Variants in SNX31 observed in about 807,000 individuals in gnomAD.
SNX31 encodes the protein sorting nexin 31.
Under a neutral mutation model 65.4 loss-of-function variants are expected in SNX31, and 58 were observed. The ratio of observed to expected loss-of-function variants is 0.89; its 90% CI spans 0.72 to 1.10. SNX31 has a LOEUF of 1.10. Among genes scored for constraint, SNX31 ranks in the 50% least tolerant of loss-of-function variants. The probability of loss-of-function intolerance (pLI) is 0.00; values close to 1 mark genes in which losing one functional copy is unlikely to be tolerated. For missense variants in SNX31, 523 were observed against 529.7 expected (o/e 0.99, Z 0.12); for synonymous variants, 181 against 190.1 (o/e 0.95, Z 0.39).
intron 4 of SNX31, chr8:100,618,839 G>A (rs1207564872): frequency 1.8e-5 from 3 of 166,518 alleles, no homozygotes; most frequent in Non-Finnish European, 3.9e-5. Flanking sequence ...CAACCTGGAA[G>A]CTCTTCAAAC....
At position 100,613,575 on chromosome 8, in the gene SNX31, G is replaced by A. The variant is rs138123695; in HGVS notation, c.433-490C>T. On this transcript the variant is annotated intron_variant, in intron 5 of 13. Coordinates refer to ENST00000311812, the MANE Select transcript of SNX31 (RefSeq NM_152628.4). The surrounding 1 kb of genome is among the most constrained non-coding windows in gnomAD (Gnocchi z 5.2). Reference sequence around the variant, plus strand: ...ATGCGCTACTGCCCACCTTTGACACGCCAGGCCTGCTTCGCCTTGATGTTT... The same window carrying A: ...ATGCGCTACTGCCCACCTTTGACACACCAGGCCTGCTTCGCCTTGATGTTT... Among the ~76,000 whole-genome samples, 710 of 152,290 alleles carry A rather than the reference G, an allele frequency of 4.7e-3. 10 individuals are homozygous for A. Among genetic ancestry groups the A allele is most frequent in the Middle Eastern group, 0.01 (3 of 294 alleles).
chr8:100,597,625 G>A (rs1361356822), intron 9 of SNX31, among the ~76,000 whole-genome samples: 1 of 152,200 alleles, frequency 6.6e-6, no homozygotes, highest in Non-Finnish European at 1.5e-5. Flanking sequence ...TTTATATGAT[G>A]GTGGTAGTAA....
At chr8:100,633,807 C>T (rs1818569959) in intron 3 of SNX31, among the ~76,000 whole-genome samples, 1 of 152,114 alleles carries the variant, frequency 6.6e-6, no homozygotes, top group Admixed American at 6.5e-5. Flanking sequence ...ATGTAAACAT[C>T]TGGGAAATCT....
chr8:100,638,311 A>G (rs1818920447), intron 2 of SNX31, among the ~76,000 whole-genome samples: 1 of 152,246 alleles, frequency 6.6e-6, no homozygotes, highest in South Asian at 2.1e-4. Context: ...AAATTTAAAC[A>G]TAATTAAAAT....
chr8:100,581,181 C>A (rs967304366), intron 12 of SNX31, among the ~76,000 whole-genome samples: 4 of 151,174 alleles, frequency 2.6e-5, no homozygotes, highest in Non-Finnish European at 4.4e-5. Flanking sequence ...TGCCAGTGGT[C>A]CCAGCTACTT....
rs187805243 is a variant in SNX31 at position 100,622,672 on chromosome 8, A to G, written c.322-4942T>C. Among the ~76,000 whole-genome samples the G allele has an allele frequency of 4.6e-3, 671 of 146,598 alleles. 5 individuals are homozygous for G. The highest frequency in any genetic ancestry group is 7.6e-3 in the Non-Finnish European group (514 of 67,816). ...TCTCAAAAAATAAATAAGTAAATAA[A>G]TAAATAAATAAATAAATAAATAAAA... On this transcript the variant is annotated intron_variant, in intron 4 of 13. Transcript: ENST00000311812. This position sits in a 1 kb window ranked among gnomAD's most constrained non-coding sequence, Gnocchi z 5.0.
intron 8 of SNX31, among the ~76,000 whole-genome samples, chr8:100,601,299 A>T (rs1012202362): frequency 6.6e-6 from 1 of 152,242 alleles, no homozygotes; most frequent in Admixed American, 6.5e-5. Context: ...CTATGCTATC[A>T]TTAAAAATTA....
At position 100,614,579 on chromosome 8, in the gene SNX31, A is replaced by T. The variant is rs1037142147; in HGVS notation, c.433-1494T>A. On this transcript the variant is annotated intron_variant, in intron 5 of 13. Coordinates refer to ENST00000311812, the MANE Select transcript of SNX31 (RefSeq NM_152628.4). The surrounding 1 kb of genome is among the most constrained non-coding windows in gnomAD (Gnocchi z 5.1). ...AGATTTTAGCTTGCTGCTGGCCCTT[A>T]AAGAGGCCATTGAGGCCCGGCACGG... is the stretch of plus-strand genomic sequence containing the variant. Among the ~76,000 whole-genome samples the T allele has an allele frequency of 5.3e-5, 8 of 152,144 alleles. No homozygotes were observed. The highest frequency in any genetic ancestry group is 1.2e-4 in the Non-Finnish European group (8 of 68,014).
chr8:100,650,997 C>T (rs1819955738), upstream of SNX31, among the ~76,000 whole-genome samples: 1 of 152,078 alleles, frequency 6.6e-6, no homozygotes, highest in African/African-American at 2.4e-5. Flanking sequence ...GGATTACAGG[C>T]ATACGCCACC....
In SNX31 at chr8:100,647,327, A is replaced by G. The variant is rs983790914; in HGVS notation, c.141+1947T>C. 9.2e-5 allele frequency among the ~76,000 whole-genome samples: 14 copies of G among 152,332 alleles called. No individual in the cohort carries two copies. The South Asian group carries it at 2.7e-3, about 29-fold the overall frequency. On this transcript the variant is annotated intron_variant, in intron 2 of 13. Transcript: ENST00000311812. ...TATGTCCTACTGAGGGCACTGAGCC[A>G]TGGTAATTCAATATTTAAAGGCCCC...
intron 10 of SNX31, among the ~76,000 whole-genome samples, chr8:100,590,645 G>T (rs899024316): frequency 6.6e-6 from 1 of 151,938 alleles, no homozygotes; most frequent in Non-Finnish European, 1.5e-5. Context: ...AGCTGGGTAT[G>T]GTGGCTGGTG....
In SNX31 at chr8:100,660,181, A is replaced by G. The variant is rs550649558; in HGVS notation, c.-58+2961T>C. Among the ~76,000 whole-genome samples the G allele has an allele frequency of 7.9e-5, 12 of 152,330 alleles. No homozygotes were observed. The South Asian group carries it at 2.5e-3, about 32-fold the overall frequency. On this transcript the variant is annotated intron_variant, in intron 1 of 5. Coordinates refer to the SNX31 transcript ENST00000520352. This position sits in a 1 kb window ranked among gnomAD's most constrained non-coding sequence, Gnocchi z 4.1. ...CTGAGCACTTACCATCTTCCAGAGA[A>G]CCATTTTACGTAAACTACTTTGTTC...
chr8:100,623,433 C>G (rs2131132790), intron 4 of SNX31, among the ~76,000 whole-genome samples: 1 of 152,292 alleles, frequency 6.6e-6, no homozygotes, highest in Middle Eastern at 3.4e-3. Flanking sequence ...AGTTCCCTCA[C>G]CCAGTGGAAT....
At chr8:100,650,243 G>A (rs1300245301), upstream of SNX31, among the ~76,000 whole-genome samples, 1 of 152,158 alleles carries the variant, frequency 6.6e-6, no homozygotes, top group Admixed American at 6.5e-5. Flanking sequence ...TTAGTTAAAT[G>A]AAACTAGAAT....
chr8:100,595,239 T>C (rs1418002302), intron 10 of SNX31, among the ~76,000 whole-genome samples: 1 of 151,890 alleles, frequency 6.6e-6, no homozygotes, highest in Non-Finnish European at 1.5e-5. Flanking sequence ...GGAGAAGAAT[T>C]AGGAAACTGT....
intron 9 of SNX31, among the ~76,000 whole-genome samples, chr8:100,598,584 A>C (rs1457101943): frequency 6.6e-6 from 1 of 151,368 alleles, no homozygotes; most frequent in East Asian, 1.9e-4. Flanking sequence ...GACATTCGAT[A>C]AAAGGGTGTT....
At chr8:100,645,701 T>G (rs1207280114) in intron 2 of SNX31, among the ~76,000 whole-genome samples, 1 of 140,106 alleles carries the variant, frequency 7.1e-6, no homozygotes, top group Non-Finnish European at 1.5e-5. Flanking sequence ...AACCTCCACC[T>G]CCCAGGCTCA....
At chr8:100,623,772 C>T (rs1391016907) in intron 4 of SNX31, among the ~76,000 whole-genome samples, 1 of 152,132 alleles carries the variant, frequency 6.6e-6, no homozygotes, top group East Asian at 1.9e-4. Flanking sequence ...TCCTTCTCTA[C>T]CGGCTCCTAC....
At chr8:100,643,115 TG>T (rs35943187) in intron 2 of SNX31, among the ~76,000 whole-genome samples, 94,500 of 151,554 alleles carry the variant, frequency 0.62, 31,205 homozygotes, top group African/African-American at 0.85. Context: ...CACTTGAACT[TG>T]GGGGGGGTGG....
Sources: gnomAD v4.1 joint callset for allele counts (sites outside exome capture counted in the v4.1 genomes callset) on GRCh38, gnomAD v4.1.1 for gene constraint, Gnocchi (gnomAD v3.1) non-coding constraint, MANE v1.5 for transcripts, NCBI Gene and HGNC (gene_info 2026-07-23, HGNC 2026-07-21) for gene names.